Variants in SH2D7 observed in about 807,000 individuals in gnomAD.
The protein encoded by SH2D7 is SH2 domain containing 7.
Under a neutral mutation model 40.8 loss-of-function variants are expected in SH2D7, and 32 were observed. The ratio of observed to expected loss-of-function variants is 0.78; its 90% CI spans 0.59 to 1.05. SH2D7 has a LOEUF of 1.05. Among genes scored for constraint, SH2D7 ranks in the 50% least tolerant of loss-of-function variants. The pLI, the probability that SH2D7 is intolerant of heterozygous loss-of-function variation, is 0.00. For synonymous variants in SH2D7, 195 were observed against 221.5 expected, an observed-to-expected ratio of 0.88 and a Z score of 1.06; for missense variants, 559 against 566.6, an observed-to-expected ratio of 0.99 and a Z score of 0.14.
intron 1 of SH2D7, 46 bp from the exon 2 acceptor site, chr15:78,094,066 T>G (rs373350683): frequency 5.2e-6 from 8 of 1,547,310 alleles, no homozygotes; most frequent in Non-Finnish European, 7.0e-6. Flanking sequence ...CTGCACCTGC[T>G]GCCATTAGGG....
chr15:78,097,525 T>C (rs532037454), intron 2 of SH2D7, among the ~76,000 whole-genome samples: 1 of 152,344 alleles, frequency 6.6e-6, no homozygotes, highest in Non-Finnish European at 1.5e-5. Flanking sequence ...TTTAAAACTT[T>C]GGTGTTTTGT....
chr15:78,097,319 G>A (rs1365107902), intron 2 of SH2D7, among the ~76,000 whole-genome samples: 1 of 152,168 alleles, frequency 6.6e-6, no homozygotes, highest in Non-Finnish European at 1.5e-5. Flanking sequence ...AATTCATCAA[G>A]CTGCACATTT....
chr15:78,091,999 A>G (rs1386312642), upstream of SH2D7, among the ~76,000 whole-genome samples: 1 of 152,136 alleles, frequency 6.6e-6, no homozygotes, highest in African/African-American at 2.4e-5. Context: ...TATTCTACAC[A>G]TATATTTGTT....
At chr15:78,092,228 G>C (rs557139804), upstream of SH2D7, among the ~76,000 whole-genome samples, 102 of 152,374 alleles carry the variant, frequency 6.7e-4, 1 homozygote, top group East Asian at 5.8e-4. Flanking sequence ...CCCAGGGGCA[G>C]TGCTGTGGAC....
rs766051606 is a variant in SH2D7 at position 78,098,418 on chromosome 15, G to A, written c.467G>A (p.Arg156Gln). Reference protein sequence around the residue: ...EDNDLYDAITRGLHQTIVDPE... With the variant: ...EDNDLYDAITQGLHQTIVDPE... The stretch of plus-strand genomic sequence containing the variant: ...AATGATCTGTATGATGCCATCACCC[G>A]GGGCCTCCACCAGACCATCGTGGAC... Residue 156 changes from arginine to glutamine, a missense_variant, in exon 4 of 6, where the codon CGG becomes CAG. Physicochemically the swap from Arg to Gln is conservative, Grantham distance 43. Transcript: ENST00000328828. The A allele has an allele frequency of 8.7e-6, 14 of 1,613,810 alleles. No homozygotes were observed. In the East Asian group the frequency reaches 8.9e-5, roughly 10 times the overall value.
chr15:78,094,562 A>G (rs1174177589), intron 2 of SH2D7, among the ~76,000 whole-genome samples: 1 of 152,128 alleles, frequency 6.6e-6, no homozygotes, highest in Non-Finnish European at 1.5e-5. Flanking sequence ...CAGAGGCATG[A>G]AAGACAAGGG....
chr15:78,101,629 G>A, intron 5 of SH2D7, 71 bp downstream of exon 5: 1 of 1,474,812 alleles, frequency 6.8e-7, no homozygotes, highest in Non-Finnish European at 9.0e-7. Context: ...ACAACCTGAA[G>A]CCCCCAGGCA....
chr15:78,094,591 GTGCTGGGGGAGCTGCAGGT>G (rs1165968779), intron 2 of SH2D7, among the ~76,000 whole-genome samples: 1 of 152,132 alleles, frequency 6.6e-6, no homozygotes, highest in Admixed American at 6.5e-5. Context: ...GAGCTGCAGG[GTGCTGGGGGAGCTGCAGGT>G]TGCTGGGTGC....
intron 4 of SH2D7, 121 bp downstream of exon 4, chr15:78,098,717 G>T: frequency 2.5e-6 from 3 of 1,197,870 alleles, no homozygotes; most frequent in Non-Finnish European, 3.5e-6. Context: ...GGGTGAGCCA[G>T]GCCCAGAGGT....
At chr15:78,094,298 T>G in intron 2 of SH2D7, 97 bp downstream of exon 2, 1 of 1,177,658 alleles carries the variant, frequency 8.5e-7, no homozygotes, top group Non-Finnish European at 1.2e-6. Context: ...TTGCCTAGAT[T>G]TCCCTGGGTC....
chr15:78,101,004 C>G lies in SH2D7; in HGVS notation c.751C>G (p.Gln251Glu). ...CTATGCAGACCTGAGGAGGATGAACCAGGCACGGCTAGGCTTGGGCACAGA... is the reference window on the plus strand; with the variant it reads ...CTATGCAGACCTGAGGAGGATGAACGAGGCACGGCTAGGCTTGGGCACAGA... The part of the protein sequence containing the change: ...IIYADLRRMN[Q>E]ARLGLGTEGS... Residue 251 changes from glutamine (Q) to glutamate (E), a missense_variant, in exon 5 of 6, where the codon CAG becomes GAG. Gln to Glu is a conservative substitution (Grantham distance 29). Coordinates refer to ENST00000328828, the MANE Select transcript of SH2D7 (RefSeq NM_001101404.2). 6.2e-7 allele frequency: 1 copy of G among 1,613,916 alleles called. No homozygotes were observed. The highest frequency in any genetic ancestry group is 8.5e-7 in the Non-Finnish European group (1 of 1,179,840).
intron 1 of SH2D7, among the ~76,000 whole-genome samples, 153 bp downstream of exon 1, chr15:78,092,913 G>GCGC (rs2073948599): frequency 6.6e-6 from 1 of 152,202 alleles, no homozygotes; most frequent in Non-Finnish European, 1.5e-5. Flanking sequence ...AGACTGAGGA[G>GCGC]CGCCACATCC....
At chr15:78,090,848 A>G (rs2073936619), upstream of SH2D7, among the ~76,000 whole-genome samples, 1 of 152,164 alleles carries the variant, frequency 6.6e-6, no homozygotes, top group Admixed American at 6.5e-5. Context: ...TTTTCACTGA[A>G]GTAGAACATA....
At chr15:78,091,960 TC>T (rs2073942918), upstream of SH2D7, among the ~76,000 whole-genome samples, 1 of 152,260 alleles carries the variant, frequency 6.6e-6, no homozygotes, top group Admixed American at 6.5e-5. Flanking sequence ...TCTGCCTTTG[TC>T]TTGGAGTGCT....
upstream of SH2D7, among the ~76,000 whole-genome samples, chr15:78,090,943 C>A (rs1240889756): frequency 6.6e-6 from 1 of 152,144 alleles, no homozygotes; most frequent in Non-Finnish European, 1.5e-5. Flanking sequence ...CTCAACCCAC[C>A]AACCAGATCA....
chr15:78,100,138 A>G lies in SH2D7; in HGVS notation c.646-761A>G, dbSNP rs2074003709. On this transcript the variant is annotated intron_variant, in intron 4 of 5. Transcript: ENST00000328828. Reference sequence around the variant, plus strand: ...CGCAGCAGTAGGCTGCCCATCTCCCAGATTAGAATATAAACTCCCAAGAGT... The same window carrying G: ...CGCAGCAGTAGGCTGCCCATCTCCCGGATTAGAATATAAACTCCCAAGAGT... Among the ~76,000 whole-genome samples, 2 of 152,352 alleles carry G rather than the reference A, an allele frequency of 1.3e-5. 1 individual carries two copies. Among genetic ancestry groups the G allele is most frequent in the South Asian group, 4.1e-4 (2 of 4,830 alleles).
At chr15:78,098,989 AC>A (rs1344263531) in intron 4 of SH2D7, among the ~76,000 whole-genome samples, 3 of 149,958 alleles carry the variant, frequency 2.0e-5, no homozygotes, top group African/African-American at 7.4e-5. Flanking sequence ...TCTCCATAGC[AC>A]CCCATGGACT....
chr15:78,091,614 A>G (rs2073941369), upstream of SH2D7, among the ~76,000 whole-genome samples: 1 of 152,176 alleles, frequency 6.6e-6, no homozygotes, highest in Admixed American at 6.5e-5. Context: ...GAAACACATT[A>G]GATACTCAGG....
At chr15:78,098,726 G>A (rs1415476881) in intron 4 of SH2D7, 130 bp downstream of exon 4, 4 of 1,095,794 alleles carry the variant, frequency 3.7e-6, no homozygotes, top group African/African-American at 3.2e-5. Context: ...AGGCCCAGAG[G>A]TGCGGACCCA....
Sources: gnomAD v4.1 joint callset for allele counts (sites outside exome capture counted in the v4.1 genomes callset) on GRCh38, gnomAD v4.1.1 for gene constraint, MANE v1.5 for transcripts, NCBI Gene and HGNC (gene_info 2026-07-23, HGNC 2026-07-21) for gene names.